STAC: variants seen among roughly 807,000 people sequenced by gnomAD.
STAC encodes SH3 and cysteine-rich domain-containing protein.
A neutral mutation model predicts 48.8 loss-of-function variants in STAC; 43 were observed. The ratio of observed to expected loss-of-function variants is 0.88; its 90% CI spans 0.69 to 1.14. The LOEUF (loss-of-function observed/expected upper bound fraction) is 1.14, where lower values mean the gene tolerates loss of function less well. Ranked by LOEUF, STAC falls within the 50% of genes most tolerant of loss-of-function variation. STAC has a pLI of 0.00. For missense variants in STAC, 497 were observed against 504.0 expected (o/e 0.99, Z 0.13); for synonymous variants, 193 against 179.5 (o/e 1.07, Z -0.60).
intron 5 of STAC, among the ~76,000 whole-genome samples, chr3:36,488,921 A>G (rs1177281590): frequency 6.6e-6 from 1 of 152,156 alleles, no homozygotes; most frequent in Non-Finnish European, 1.5e-5. Flanking sequence ...ACTCTTAGGC[A>G]TGGGATATGA....
chr3:36,477,888 G>T (rs1697535012), intron 2 of STAC, among the ~76,000 whole-genome samples: 1 of 152,092 alleles, frequency 6.6e-6, no homozygotes, highest in Non-Finnish European at 1.5e-5. Context: ...TCATTCCAAG[G>T]GATGACTTGA....
chr3:36,529,045 A>G, intron 10 of STAC, 60 bp downstream of exon 10: 1 of 1,483,456 alleles, frequency 6.7e-7, no homozygotes, highest in Non-Finnish European at 9.1e-7. Context: ...ATTTTAATAA[A>G]CTTAATAATA....
Position 36,485,004 on chromosome 3 carries a change from TC to T in STAC, c.522del (p.Leu175CysfsTer75). 6.2e-7 allele frequency: 1 copy of T among 1,603,076 alleles called. No individual in the cohort carries two copies. The highest frequency in any genetic ancestry group is 2.3e-5 in the East Asian group (1 of 43,954). ...AAAGGGGTTTCGGCGTTACTACAGCTCCCCCTTGCTCATTCATGAACAGTTT... is the reference window on the plus strand; with the variant it reads ...AAAGGGGTTTCGGCGTTACTACAGCTCCCCTTGCTCATTCATGAACAGTTT... ...LPKGFRRYYS[S>X]PLLIHEQFGC... On this transcript the variant is annotated frameshift_variant, in exon 4 of 11. Transcript: ENST00000273183. LOFTEE classifies it high-confidence loss of function.
intron 1 of STAC, among the ~76,000 whole-genome samples, chr3:36,411,222 C>T (rs886868681): frequency 6.6e-6 from 1 of 152,232 alleles, no homozygotes; most frequent in Non-Finnish European, 1.5e-5. Flanking sequence ...TGCCATACCC[C>T]TGGCCTAAGC....
At chr3:36,509,891 T>C (rs997898137) in intron 8 of STAC, among the ~76,000 whole-genome samples, 8 of 152,162 alleles carry the variant, frequency 5.3e-5, no homozygotes, top group Middle Eastern at 3.4e-3. Flanking sequence ...ATTCAGGACA[T>C]AGGCATGGGC....
chr3:36,544,818 T>A (rs1193085087), intron 10 of STAC, among the ~76,000 whole-genome samples: 1 of 152,194 alleles, frequency 6.6e-6, no homozygotes, highest in Non-Finnish European at 1.5e-5. Context: ...ACATCTGCTC[T>A]TCATGAAACA....
At chr3:36,403,013 G>A (rs562444053) in intron 1 of STAC, among the ~76,000 whole-genome samples, 150 of 152,240 alleles carry the variant, frequency 9.9e-4, no homozygotes, top group African/African-American at 3.5e-3. Flanking sequence ...GAAATAAGAC[G>A]TAACACAAGG....
intron 2 of STAC, among the ~76,000 whole-genome samples, chr3:36,480,599 T>C (rs1697616230): frequency 6.6e-6 from 1 of 152,162 alleles, no homozygotes; most frequent in Non-Finnish European, 1.5e-5. Context: ...AGGAAATATT[T>C]AGGACAAGCA....
At chr3:36,455,532 T>G (rs1022096863) in intron 2 of STAC, among the ~76,000 whole-genome samples, 2 of 152,192 alleles carry the variant, frequency 1.3e-5, no homozygotes, top group Admixed American at 6.5e-5. Context: ...TCCACAGGAA[T>G]AGGACATCTG....
At position 36,504,433 on chromosome 3, in the gene STAC, T is replaced by C. The variant is rs1184879132; in HGVS notation, c.807T>C (p.Asp269=). 1.9e-6 allele frequency: 3 copies of C among 1,613,464 alleles called. No individual in the cohort carries two copies. Among genetic ancestry groups the C allele is most frequent in the Non-Finnish European group, 2.5e-6 (3 of 1,179,692 alleles). ...YPENGTDDFR[D]PAKNINHQGS... is the part of the protein sequence containing the mutation. Reference sequence around the variant, plus strand: ...AAAATGGCACTGATGATTTCAGAGATCCAGCGAAGAACATAAACCACCAGG... The same window carrying C: ...AAAATGGCACTGATGATTTCAGAGACCCAGCGAAGAACATAAACCACCAGG... Residue 269 remains aspartate (D), a synonymous_variant, in exon 7 of 11, where the codon GAT becomes GAC. Transcript: ENST00000273183.
At chr3:36,502,313 T>C (rs970848411) in intron 6 of STAC, among the ~76,000 whole-genome samples, 5 of 152,192 alleles carry the variant, frequency 3.3e-5, no homozygotes, top group Non-Finnish European at 5.9e-5. Context: ...GTGTATGATA[T>C]GTTTTCGGTA....
At chr3:36,467,478 T>A (rs1281063154) in intron 2 of STAC, among the ~76,000 whole-genome samples, 1 of 152,110 alleles carries the variant, frequency 6.6e-6, no homozygotes, top group Middle Eastern at 3.2e-3. Context: ...GGTTCTGGAC[T>A]TTTTTTGTTG....
At chr3:36,436,012 T>G (rs1367947775) in intron 1 of STAC, among the ~76,000 whole-genome samples, 3 of 152,190 alleles carry the variant, frequency 2.0e-5, no homozygotes, top group African/African-American at 7.2e-5. Context: ...CTTCACTGCC[T>G]GTGTAGTGAT....
intron 6 of STAC, among the ~76,000 whole-genome samples, chr3:36,496,699 G>T (rs114538872): frequency 4.6e-5 from 7 of 152,184 alleles, no homozygotes; most frequent in Non-Finnish European, 7.3e-5. Context: ...GGAGGAAATT[G>T]TTGGTCTTCA....
At chr3:36,442,882 T>C (rs1222710511) in intron 1 of STAC, among the ~76,000 whole-genome samples, 1 of 151,730 alleles carries the variant, frequency 6.6e-6, no homozygotes, top group Admixed American at 6.6e-5. Context: ...TTTAGCGAGA[T>C]GGATTTTGAG....
intron 10 of STAC, among the ~76,000 whole-genome samples, chr3:36,535,759 G>A (rs1699182470): frequency 6.6e-6 from 1 of 152,068 alleles, no homozygotes; most frequent in Non-Finnish European, 1.5e-5. Context: ...CTGTTTATAT[G>A]TGAATTACAT....
intron 1 of STAC, among the ~76,000 whole-genome samples, chr3:36,396,460 T>C (rs1424799912): frequency 1.3e-5 from 2 of 152,166 alleles, no homozygotes; most frequent in Non-Finnish European, 2.9e-5. Flanking sequence ...TATACAAAGT[T>C]AGTCACTACT....
chr3:36,412,129 T>A (rs1474265030), intron 1 of STAC, among the ~76,000 whole-genome samples: 1 of 152,172 alleles, frequency 6.6e-6, no homozygotes, highest in Non-Finnish European at 1.5e-5. Context: ...GCTGTCTTAG[T>A]TCAACTACTC....
intron 8 of STAC, among the ~76,000 whole-genome samples, chr3:36,521,892 G>C (rs1698816540): frequency 6.6e-6 from 1 of 152,012 alleles, no homozygotes; most frequent in Admixed American, 6.6e-5. Flanking sequence ...CCAAGAGTTA[G>C]AAACCAGCCT....
Sources: gnomAD v4.1 joint callset for allele counts (sites outside exome capture counted in the v4.1 genomes callset) on GRCh38, gnomAD v4.1.1 for gene constraint, MANE v1.5 for transcripts, NCBI Gene and HGNC (gene_info 2026-07-23, HGNC 2026-07-21) for gene names.